ATP8B1: variants seen among roughly 807,000 people sequenced by gnomAD.
The protein encoded by ATP8B1 is phospholipid-transporting ATPase IC.
In ATP8B1, 80 loss-of-function variants were observed where a neutral mutation model predicts 149.9. That is an observed-to-expected ratio of 0.53 (90% CI 0.45 to 0.64). ATP8B1 has a LOEUF of 0.64. Ranked by LOEUF, ATP8B1 falls within the 30% of genes least tolerant of loss-of-function variation. The probability of loss-of-function intolerance (pLI) is 0.00; values close to 1 mark genes in which losing one functional copy is unlikely to be tolerated. For synonymous variants in ATP8B1, 536 were observed against 562.8 expected, an observed-to-expected ratio of 0.95 and a Z score of 0.67; for missense variants, 1,247 against 1,552.6, an observed-to-expected ratio of 0.80 and a Z score of 3.31.
At chr18:57,707,454 G>T (rs1482452929) in intron 2 of ATP8B1, among the ~76,000 whole-genome samples, 1 of 152,162 alleles carries the variant, frequency 6.6e-6, no homozygotes, top group African/African-American at 2.4e-5. Context: ...GCAGAGAAGA[G>T]AAATTAACAA....
intron 1 of ATP8B1, among the ~76,000 whole-genome samples, chr18:57,788,360 C>G (rs1218939734): frequency 6.6e-6 from 1 of 152,142 alleles, no homozygotes; most frequent in African/African-American, 2.4e-5. Flanking sequence ...TTGAGATCAG[C>G]TTGGCCAACA....
intron 20 of ATP8B1, among the ~76,000 whole-genome samples, chr18:57,663,174 G>T (rs902752563): frequency 6.6e-5 from 10 of 152,060 alleles, no homozygotes; most frequent in African/African-American, 2.4e-4. Context: ...TCATATATGT[G>T]AAATCAAACA....
In ATP8B1 at chr18:57,674,943, G is replaced by A. The variant is rs777626084; in HGVS notation, c.1710C>T (p.Leu570=). ...TGGTGATGGTGTTCTGGGTCCTGGC[G>A]AGGAAGGCAAAGCCAAAGTTCCTGG... ...NAARNFGFAF[L]ARTQNTITIS... is the part of the protein sequence containing the mutation. Residue 570 remains leucine, a synonymous_variant, in exon 16 of 28, where the codon CTC becomes CTT. Coordinates refer to ENST00000648908, the MANE Select transcript of ATP8B1 (RefSeq NM_001374385.1). 2.7e-5 allele frequency: 43 copies of A among 1,614,128 alleles called. No homozygotes were observed. Among genetic ancestry groups the A allele is most frequent in the South Asian group, 2.2e-4 (20 of 91,092 alleles).
intron 22 of ATP8B1, among the ~76,000 whole-genome samples, chr18:57,658,731 A>C (rs1459152534): frequency 6.6e-6 from 1 of 151,446 alleles, no homozygotes; most frequent in Non-Finnish European, 1.5e-5. Flanking sequence ...AGTGGCACAA[A>C]CATGGCTCAC....
At chr18:57,736,422 C>T (rs2079854931) in intron 1 of ATP8B1, among the ~76,000 whole-genome samples, 1 of 146,764 alleles carries the variant, frequency 6.8e-6, no homozygotes, top group African/African-American at 2.5e-5. Context: ...AACATTTTCC[C>T]TATGTTTTCT....
chr18:57,663,920 C>A (rs948322969), intron 20 of ATP8B1, among the ~76,000 whole-genome samples: 3 of 151,666 alleles, frequency 2.0e-5, no homozygotes, highest in Non-Finnish European at 4.4e-5. Context: ...ACGGGCACCA[C>A]CATGCCCAGC....
rs934142554 is a variant in ATP8B1 at position 57,802,966 on chromosome 18, C to A, written c.-26+32G>T. On this transcript the variant is annotated intron_variant, in intron 1 of 27. Transcript: ENST00000648908. The surrounding 1 kb of genome is among the most constrained non-coding windows in gnomAD (Gnocchi z 4.9). ...GCCGGGCCAAGGGGCTTGGGAAGGT[C>A]TGGGGGCCCCCGGCGCCGCACCCCT... 6.6e-6 allele frequency: 1 copy of A among 152,170 alleles called. No individual in the cohort carries two copies. Among genetic ancestry groups the A allele is most frequent in the African/African-American group, 2.4e-5 (1 of 41,452 alleles). The allele number at this position is 152,170 out of a possible 1,614,324, so 9.4% of individuals were successfully genotyped here. A position where few individuals can be genotyped will look rare whatever the true frequency, so the allele number is the denominator to read the frequency against.
intron 13 of ATP8B1, 116 bp from the exon 14 acceptor site, chr18:57,685,231 T>G (rs1480095604): frequency 9.0e-7 from 1 of 1,111,742 alleles, no homozygotes; most frequent in Non-Finnish European, 1.3e-6. Context: ...CTGGACAGGC[T>G]AAAATATTTA....
chr18:57,684,964 G>T, intron 14 of ATP8B1, 108 bp downstream of exon 14: 2 of 1,392,362 alleles, frequency 1.4e-6, no homozygotes, highest in Non-Finnish European at 1.0e-6. Context: ...CCAGGAGCAG[G>T]GAAGAGGCAA....
chr18:57,751,869 A>G (rs1317253396), intron 1 of ATP8B1, among the ~76,000 whole-genome samples: 1 of 152,036 alleles, frequency 6.6e-6, no homozygotes, highest in African/African-American at 2.4e-5. Context: ...TCTTTGCATT[A>G]TGGCTTGTAT....
In ATP8B1 at chr18:57,726,226, C is replaced by CAAACAAAAACAAAAACAA. The variant is rs77845076; in HGVS notation, c.181+5400_181+5401insTTGTTTTTGTTTTTGTTT. Among the ~76,000 whole-genome samples the CAAACAAAAACAAAAACAA allele has an allele frequency of 7.2e-3, 1,096 of 151,574 alleles. 15 individuals are homozygous for CAAACAAAAACAAAAACAA. Among genetic ancestry groups the CAAACAAAAACAAAAACAA allele is most frequent in the African/African-American group, 0.025 (1,048 of 41,324 alleles). ...CTGGTGACAGAGCAAGACTCTGCCT[C>CAAACAAAAACAAAAACAA]AAACAAAAACAAACAACAACAACAA... On this transcript the variant is annotated intron_variant, in intron 2 of 27. Transcript: ENST00000648908.
At chr18:57,695,927 T>C (rs1228983477) in intron 8 of ATP8B1, among the ~76,000 whole-genome samples, 3 of 152,256 alleles carry the variant, frequency 2.0e-5, no homozygotes, top group African/African-American at 7.2e-5. Flanking sequence ...GTTTCGCCTC[T>C]GTCAAATTCT....
chr18:57,693,031 A>C (rs1912620108), intron 11 of ATP8B1, among the ~76,000 whole-genome samples: 1 of 152,238 alleles, frequency 6.6e-6, no homozygotes, highest in Non-Finnish European at 1.5e-5. Flanking sequence ...CAGAGTGCCA[A>C]ACAGGCTCTT....
rs186442147 is a variant in ATP8B1, at chr18:57,788,337, T to A, written c.-26+14661A>T. ...GGGAGGCCAAGGCGGGAGGATCACA[T>A]GAGGCCAGGAGTTTGAGATCAGCTT... On this transcript the variant is annotated intron_variant, in intron 1 of 27. Coordinates refer to ENST00000648908, the MANE Select transcript of ATP8B1 (RefSeq NM_001374385.1). Among the ~76,000 whole-genome samples, 437 of 152,230 alleles carry A rather than the reference T, an allele frequency of 2.9e-3. 5 individuals are homozygous for A. Among genetic ancestry groups the A allele is most frequent in the Admixed American group, 0.024 (367 of 15,286 alleles).
rs886054012 is a variant in ATP8B1, at chr18:57,688,285, C to T, written c.1429+14G>A. On this transcript the variant is annotated intron_variant, in intron 13 of 27. Coordinates refer to ENST00000648908, the MANE Select transcript of ATP8B1 (RefSeq NM_001374385.1). ...CCCCACTCACCCAGAAAATGAGTGA[C>T]GGCTTCCACTTACCATATATCTGCC... The T allele has an allele frequency of 2.5e-5, 40 of 1,612,254 alleles. No individual in the cohort carries two copies. Among genetic ancestry groups the T allele is most frequent in the Non-Finnish European group, 2.8e-5 (33 of 1,178,822 alleles).
At chr18:57,758,851 C>T (rs1254825439) in intron 1 of ATP8B1, among the ~76,000 whole-genome samples, 1 of 151,726 alleles carries the variant, frequency 6.6e-6, no homozygotes, top group Non-Finnish European at 1.5e-5. Context: ...AATCATTTTC[C>T]TGGAAAACTT....
intron 1 of ATP8B1, among the ~76,000 whole-genome samples, chr18:57,765,891 G>A (rs1220494030): frequency 6.6e-5 from 10 of 150,590 alleles, no homozygotes; most frequent in South Asian, 4.2e-4. Context: ...AGAATCGCTC[G>A]AACCCCGGAG....
At chr18:57,758,730 C>A (rs1043721726) in intron 1 of ATP8B1, among the ~76,000 whole-genome samples, 3 of 149,518 alleles carry the variant, frequency 2.0e-5, no homozygotes, top group African/African-American at 7.4e-5. Flanking sequence ...AATATATGTT[C>A]TTTTGCACTT....
In ATP8B1 at chr18:57,668,423, A is replaced by T. The variant is rs1454294578; in HGVS notation, c.2209+6T>A. The stretch of plus-strand genomic sequence containing the variant: ...AACAGATATGCTTCCCTGCACAATG[A>T]ATTACCCTTTTTGTCTCCAGTAAGC... On this transcript the variant is annotated splice_donor_region_variant and intron_variant, in intron 19 of 27. Transcript: ENST00000648908. The T allele has an allele frequency of 6.3e-7, 1 of 1,591,584 alleles. No individual in the cohort carries two copies. Among genetic ancestry groups the T allele is most frequent in the Admixed American group, 1.7e-5 (1 of 59,988 alleles).
Sources: gnomAD v4.1 joint callset for allele counts (sites outside exome capture counted in the v4.1 genomes callset) on GRCh38, gnomAD v4.1.1 for gene constraint, Gnocchi (gnomAD v3.1) non-coding constraint, MANE v1.5 for transcripts, NCBI Gene and HGNC (gene_info 2026-07-23, HGNC 2026-07-21) for gene names.